NAALADL2: variants seen among roughly 807,000 people sequenced by gnomAD.
The protein encoded by NAALADL2 is N-acetylated alpha-linked acidic dipeptidase like 2.
Under a neutral mutation model 87.2 loss-of-function variants are expected in NAALADL2, and 76 were observed. That is an observed-to-expected ratio of 0.87 (90% CI 0.72 to 1.05). The LOEUF (loss-of-function observed/expected upper bound fraction) is 1.05. Among genes scored for constraint, NAALADL2 ranks in the 50% least tolerant of loss-of-function variants. NAALADL2 has a pLI of 0.00. For synonymous variants in NAALADL2, 354 were observed against 331.0 expected (o/e 1.07, Z -0.75); for missense variants, 1,089 against 945.8 (o/e 1.15, Z -1.99).
chr3:175,330,645 T>C (rs937362548), intron 5 of NAALADL2, among the ~76,000 whole-genome samples: 7 of 152,004 alleles, frequency 4.6e-5, no homozygotes, highest in African/African-American at 1.5e-4. Flanking sequence ...ACCTATGAGA[T>C]ATAGCAAAAG....
chr3:174,976,363 C>T (rs547962598), intron 1 of NAALADL2, among the ~76,000 whole-genome samples: 1 of 152,054 alleles, frequency 6.6e-6, no homozygotes, highest in Admixed American at 6.6e-5. Context: ...TTTAAGTACA[C>T]ATAAGTAAAA....
At position 175,749,857 on chromosome 3, in the gene NAALADL2, G is replaced by A. The variant is rs142018144; in HGVS notation, c.1991-5363G>A. Among the ~76,000 whole-genome samples the A allele has an allele frequency of 2.4e-3, 360 of 152,250 alleles. 2 individuals are homozygous for A. The highest frequency in any genetic ancestry group is 8.3e-3 in the African/African-American group (346 of 41,552). ...ACGGCCTTACGCAGAAGTCTTAGAA[G>A]CTTTAAATGGATAAGCCATTATAAA... On this transcript the variant is annotated intron_variant, in intron 12 of 13. Coordinates refer to ENST00000454872, the MANE Select transcript of NAALADL2 (RefSeq NM_207015.3).
intron 1 of NAALADL2, chr3:175,079,467 G>A (rs1717309033): frequency 6.6e-6 from 1 of 152,088 alleles, no homozygotes; most frequent in Non-Finnish European, 1.5e-5. Flanking sequence ...TGTTGCTTGT[G>A]CTTTCTGCAA....
chr3:175,524,450 A>G (rs1390469091), intron 9 of NAALADL2, among the ~76,000 whole-genome samples: 3 of 152,140 alleles, frequency 2.0e-5, no homozygotes, highest in East Asian at 3.9e-4. Flanking sequence ...GTAACTTTTA[A>G]TATAATCTAC....
chr3:175,196,502 A>G (rs949786916), intron 2 of NAALADL2, among the ~76,000 whole-genome samples: 1 of 151,922 alleles, frequency 6.6e-6, no homozygotes, highest in Admixed American at 6.6e-5. Context: ...TTTTTAAGTC[A>G]AATCTCTTTC....
chr3:175,552,792 G>C (rs1310254163), intron 9 of NAALADL2, among the ~76,000 whole-genome samples: 1 of 151,982 alleles, frequency 6.6e-6, no homozygotes, highest in African/African-American at 2.4e-5. Flanking sequence ...CACAGGTGGA[G>C]ATTCAAGTAT....
At chr3:175,227,030 C>T (rs1305624043) in intron 2 of NAALADL2, among the ~76,000 whole-genome samples, 1 of 151,972 alleles carries the variant, frequency 6.6e-6, no homozygotes, top group African/African-American at 2.4e-5. Context: ...AGAAATATCA[C>T]CCGGTATAGT....
chr3:174,901,941 C>T (rs1345094809), intron 1 of NAALADL2, among the ~76,000 whole-genome samples: 1 of 152,136 alleles, frequency 6.6e-6, no homozygotes, highest in Admixed American at 6.5e-5. Context: ...CTCAAATGAT[C>T]CTCTATTTTG....
chr3:175,592,560 TA>T (rs1364538410), intron 10 of NAALADL2, among the ~76,000 whole-genome samples: 2 of 152,010 alleles, frequency 1.3e-5, no homozygotes, highest in Admixed American at 6.6e-5. Context: ...TATGCAGCCA[TA>T]AAAAATGATG....
At chr3:174,587,473 A>G (rs1484034439) in intron 2 of NAALADL2, among the ~76,000 whole-genome samples, 3 of 152,114 alleles carry the variant, frequency 2.0e-5, no homozygotes, top group African/African-American at 4.8e-5. Flanking sequence ...CCTAGCATCA[A>G]TGGTCTTTAC....
chr3:175,011,075 A>G (rs754653107), intron 1 of NAALADL2, among the ~76,000 whole-genome samples: 1 of 152,094 alleles, frequency 6.6e-6, no homozygotes, highest in Non-Finnish European at 1.5e-5. Flanking sequence ...ACTGTTTTAT[A>G]ATTTACTGCA....
At chr3:174,838,314 C>T (rs1723604570) in intron 3 of NAALADL2, among the ~76,000 whole-genome samples, 1 of 152,156 alleles carries the variant, frequency 6.6e-6, no homozygotes, top group Admixed American at 6.5e-5. Flanking sequence ...TTAAAACTCT[C>T]AGCAAAATTG....
intron 1 of NAALADL2, among the ~76,000 whole-genome samples, chr3:174,525,603 G>T (rs908694930): frequency 7.9e-5 from 12 of 152,170 alleles, no homozygotes; most frequent in African/African-American, 2.9e-4. Context: ...TTTACAGTAA[G>T]ATTTGGAGGG....
At chr3:174,442,503 T>C (rs1398017108) in intron 1 of NAALADL2, among the ~76,000 whole-genome samples, 1 of 151,994 alleles carries the variant, frequency 6.6e-6, no homozygotes, top group Non-Finnish European at 1.5e-5. Flanking sequence ...ATAAAAAGAG[T>C]ATTAAAGACC....
chr3:174,503,836 T>C (rs1309706354), intron 1 of NAALADL2, among the ~76,000 whole-genome samples: 1 of 152,132 alleles, frequency 6.6e-6, no homozygotes, highest in African/African-American at 2.4e-5. Context: ...TCAGAATTTT[T>C]CTTTTATTGA....
At chr3:175,019,178 T>A (rs567148370) in intron 1 of NAALADL2, among the ~76,000 whole-genome samples, 1 of 152,166 alleles carries the variant, frequency 6.6e-6, no homozygotes, top group Admixed American at 6.6e-5. Flanking sequence ...CTGCTGTTTC[T>A]GGGTCACATT....
At chr3:175,792,630 T>G (rs1254648236) in intron 13 of NAALADL2, among the ~76,000 whole-genome samples, 1 of 152,190 alleles carries the variant, frequency 6.6e-6, no homozygotes, top group East Asian at 1.9e-4. Flanking sequence ...GTCTATGTGT[T>G]TTTCATAACT....
intron 2 of NAALADL2, among the ~76,000 whole-genome samples, chr3:175,207,897 A>AT (rs1305633673): frequency 6.6e-6 from 1 of 152,164 alleles, no homozygotes; most frequent in Non-Finnish European, 1.5e-5. Context: ...AAAGAAACTG[A>AT]TTAGGCCACT....
intron 9 of NAALADL2, among the ~76,000 whole-genome samples, chr3:175,474,970 T>C (rs16825779): frequency 0.031 from 4,770 of 151,740 alleles, 272 homozygotes; most frequent in African/African-American, 0.11. Flanking sequence ...GTATTCATAT[T>C]GAAGGAGCAT....
Sources: allele counts gnomAD v4.1 joint callset (sites outside exome capture counted in the v4.1 genomes callset), GRCh38; gene constraint gnomAD v4.1.1; transcripts MANE v1.5; gene names NCBI Gene and HGNC (gene_info 2026-07-23, HGNC 2026-07-21).